LRRC9: variants seen among roughly 807,000 people sequenced by gnomAD.
The protein encoded by LRRC9 is leucine rich repeat containing 9.
A neutral mutation model predicts 63.2 loss-of-function variants in LRRC9; 122 were observed. The ratio of observed to expected loss-of-function variants is 1.93; its 90% CI spans 1.67 to 2.24. The LOEUF is 2.24. Ranked by LOEUF, LRRC9 falls within the 30% of genes most tolerant of loss-of-function variation. LRRC9 has a pLI of 0.00. For synonymous variants in LRRC9, 366 were observed against 213.1 expected (o/e 1.72, Z -6.25); for missense variants, 1,071 against 627.7 (o/e 1.71, Z -7.55).
chr14:60,052,463 A>G (rs905228960), intron 29 of LRRC9, among the ~76,000 whole-genome samples: 3 of 152,224 alleles, frequency 2.0e-5, no homozygotes, highest in African/African-American at 7.2e-5. Flanking sequence ...TCCAGACCCC[A>G]GAAGGAAATG....
At chr14:59,974,541 T>C (rs1401709479) in intron 12 of LRRC9, 35 bp from the exon 13 acceptor site, 3 of 579,330 alleles carry the variant, frequency 5.2e-6, no homozygotes, top group South Asian at 2.1e-5. Flanking sequence ...TTGTCAATTT[T>C]ATAAAAATAC....
intron 23 of LRRC9, among the ~76,000 whole-genome samples, chr14:60,011,332 A>G (rs1266028415): frequency 6.6e-6 from 1 of 152,100 alleles, no homozygotes. Context: ...ACCCACCCCC[A>G]TGATTCACTT....
intron 17 of LRRC9, among the ~76,000 whole-genome samples, chr14:59,992,705 C>T (rs1340890919): frequency 1.3e-4 from 19 of 151,896 alleles, no homozygotes; most frequent in Non-Finnish European, 2.4e-4. Context: ...AGAAAGGGTA[C>T]CAGTGATGGA....
intron 29 of LRRC9, among the ~76,000 whole-genome samples, chr14:60,043,951 G>A (rs1267150596): frequency 6.6e-6 from 1 of 151,024 alleles, no homozygotes; most frequent in Non-Finnish European, 1.5e-5. Context: ...TTCTTTTATG[G>A]GACATGTTTT....
At chr14:59,955,264 A>G (rs752472475) in intron 8 of LRRC9, among the ~76,000 whole-genome samples, 3 of 152,204 alleles carry the variant, frequency 2.0e-5, no homozygotes, top group Non-Finnish European at 4.4e-5. Flanking sequence ...CTGTCAATCC[A>G]TCAGGTCCTG....
intron 12 of LRRC9, among the ~76,000 whole-genome samples, chr14:59,972,947 A>G (rs977973583): frequency 6.6e-6 from 1 of 152,110 alleles, no homozygotes; most frequent in Non-Finnish European, 1.5e-5. Context: ...ATTTTATTAT[A>G]ACACATTTGT....
chr14:60,016,664 C>T (rs1566878636), exon 24 of LRRC9: 1 of 694,954 alleles, frequency 1.4e-6, no homozygotes, highest in Admixed American at 2.0e-5. Flanking sequence ...ATATAGGAAC[C>T]ATCAGAGACT....
Position 59,962,151 on chromosome 14 carries a change from T to G in LRRC9, c.1211+1106T>G, listed in dbSNP as rs1884414328. Among the ~76,000 whole-genome samples the G allele has an allele frequency of 6.6e-6, 1 of 152,214 alleles. No homozygotes were observed. The highest frequency in any genetic ancestry group is 2.4e-5 in the African/African-American group (1 of 41,468). ...AGCTTCTCAAAGGTCTTGGGAGAACTCTGATGGAAAAGTGTAAGAAGCTCT... is the reference window on the plus strand; with the variant it reads ...AGCTTCTCAAAGGTCTTGGGAGAACGCTGATGGAAAAGTGTAAGAAGCTCT... On this transcript the variant is annotated intron_variant, in intron 10 of 31. Transcript: ENST00000445360. The surrounding 1 kb of genome is among the most constrained non-coding windows in gnomAD (Gnocchi z 5.1).
intron 8 of LRRC9, among the ~76,000 whole-genome samples, chr14:59,959,526 T>A (rs1368087425): frequency 6.6e-6 from 1 of 152,220 alleles, no homozygotes; most frequent in African/African-American, 2.4e-5. Context: ...ATTAAAAAGA[T>A]TTGAAAATCT....
In LRRC9 at chr14:60,003,087, A is replaced by C. The variant is rs747772732; in HGVS notation, c.2665-534A>C. 6.6e-5 allele frequency among the ~76,000 whole-genome samples: 10 copies of C among 152,236 alleles called. No individual in the cohort carries two copies. Among genetic ancestry groups the C allele is most frequent in the Non-Finnish European group, 7.3e-5 (5 of 68,038 alleles). On this transcript the variant is annotated intron_variant, in intron 20 of 31. Transcript: ENST00000445360. This position sits in a 1 kb window ranked among gnomAD's most constrained non-coding sequence, Gnocchi z 4.2. ...CCAGAAAATGGGAGACATTACTGGCATTACTTTTATTACAAGATATATATA... is the reference window on the plus strand; with the variant it reads ...CCAGAAAATGGGAGACATTACTGGCCTTACTTTTATTACAAGATATATATA...
chr14:60,045,442 C>G (rs2140401349), intron 29 of LRRC9, among the ~76,000 whole-genome samples: 1 of 152,264 alleles, frequency 6.6e-6, no homozygotes, highest in Non-Finnish European at 1.5e-5. Context: ...CCACCCCTGA[C>G]TGGCCCCAGG....
chr14:59,943,814 G>C (rs865787929), intron 7 of LRRC9, among the ~76,000 whole-genome samples: 1 of 151,974 alleles, frequency 6.6e-6, no homozygotes, highest in Admixed American at 6.6e-5. Flanking sequence ...CATAAGAAAA[G>C]ACTGCATCTG....
intron 12 of LRRC9, among the ~76,000 whole-genome samples, chr14:59,973,905 G>A (rs533592703): frequency 6.6e-6 from 1 of 152,148 alleles, no homozygotes; most frequent in Admixed American, 6.6e-5. Flanking sequence ...ATTGTGACAA[G>A]GACAAATAGA....
At chr14:59,957,493 C>T (rs1883891353) in intron 8 of LRRC9, among the ~76,000 whole-genome samples, 1 of 152,038 alleles carries the variant, frequency 6.6e-6, no homozygotes, top group Admixed American at 6.5e-5. Context: ...CATTTATGTT[C>T]TTCTCTAAAC....
chr14:60,056,094 C>G (rs1412517426), intron 30 of LRRC9, among the ~76,000 whole-genome samples: 5 of 152,140 alleles, frequency 3.3e-5, no homozygotes, highest in African/African-American at 1.2e-4. Flanking sequence ...CTTCTGCCTC[C>G]TTCTACCTCG....
chr14:60,036,073 G>C (rs1892407479), intron 29 of LRRC9, among the ~76,000 whole-genome samples: 1 of 152,068 alleles, frequency 6.6e-6, no homozygotes, highest in Non-Finnish European at 1.5e-5. Flanking sequence ...TGGTGGGAAG[G>C]GTTGGATGTG....
intron 15 of LRRC9, among the ~76,000 whole-genome samples, chr14:59,980,215 A>G (rs1886782858): frequency 6.6e-6 from 1 of 152,086 alleles, no homozygotes; most frequent in Non-Finnish European, 1.5e-5. Flanking sequence ...AAGGTGGTCA[A>G]TTTTTTTAAA....
chr14:60,018,599 G>GT (rs1228836071), intron 25 of LRRC9, 120 bp downstream of exon 25: 90 of 387,696 alleles, frequency 2.3e-4, no homozygotes, highest in Middle Eastern at 1.2e-3. Context: ...ATTTTCTTTG[G>GT]GTTTTTTTTT....
intron 29 of LRRC9, among the ~76,000 whole-genome samples, chr14:60,036,620 G>A (rs1892456463): frequency 6.6e-6 from 1 of 152,090 alleles, no homozygotes; most frequent in Non-Finnish European, 1.5e-5. Context: ...GCTGGATGTT[G>A]CATTCTCCAT....
Sources: allele counts gnomAD v4.1 joint callset (sites outside exome capture counted in the v4.1 genomes callset), GRCh38; gene constraint gnomAD v4.1.1; non-coding constraint Gnocchi (gnomAD v3.1); transcripts MANE v1.5; gene names NCBI Gene and HGNC (gene_info 2026-07-23, HGNC 2026-07-21).